FAM117B: variants seen among roughly 807,000 people sequenced by gnomAD.
FAM117B encodes family with sequence similarity 117 member B.
Under a neutral mutation model 52.8 loss-of-function variants are expected in FAM117B, and 22 were observed. That is an observed-to-expected ratio of 0.42 (90% CI 0.30 to 0.59). FAM117B has a LOEUF of 0.59. Among genes scored for constraint, FAM117B ranks in the 20% least tolerant of loss-of-function variants. The pLI is 0.22. For missense variants in FAM117B, 678 were observed against 802.6 expected, an observed-to-expected ratio of 0.84 and a Z score of 1.88; for synonymous variants, 309 against 324.1, an observed-to-expected ratio of 0.95 and a Z score of 0.50.
intron 7 of FAM117B, among the ~76,000 whole-genome samples, chr2:202,761,740 T>G (rs1365342362): frequency 6.6e-6 from 1 of 152,146 alleles, no homozygotes; most frequent in Admixed American, 6.5e-5. Flanking sequence ...TTGGCCAGGC[T>G]AGTCTCGAAC....
At chr2:202,706,203 T>C (rs1039924682) in intron 2 of FAM117B, among the ~76,000 whole-genome samples, 1 of 152,198 alleles carries the variant, frequency 6.6e-6, no homozygotes, top group African/African-American at 2.4e-5. Context: ...TTCCTGTTTC[T>C]TTGGTTTGGT....
At chr2:202,678,115 A>G (rs1385588037) in intron 1 of FAM117B, among the ~76,000 whole-genome samples, 1 of 152,224 alleles carries the variant, frequency 6.6e-6, no homozygotes, top group Non-Finnish European at 1.5e-5. Flanking sequence ...ATATTGATAC[A>G]GCTCTGATGA....
intron 1 of FAM117B, among the ~76,000 whole-genome samples, chr2:202,644,263 T>C (rs893580124): frequency 2.0e-5 from 3 of 152,136 alleles, no homozygotes; most frequent in African/African-American, 4.8e-5. Context: ...ACTACAGTTA[T>C]ATTTTCTTTT....
chr2:202,742,261 A>G (rs1259689985), intron 4 of FAM117B, among the ~76,000 whole-genome samples: 1 of 152,208 alleles, frequency 6.6e-6, no homozygotes, highest in African/African-American at 2.4e-5. Context: ...AAAAGGAAAA[A>G]CTATGAGGGC....
intron 7 of FAM117B, 148 bp downstream of exon 7, chr2:202,759,501 C>A: frequency 1.0e-6 from 1 of 999,506 alleles, no homozygotes; most frequent in Non-Finnish European, 1.4e-6. Context: ...AAGTTATCTT[C>A]CCACCTCAAC....
At chr2:202,650,555 G>A (rs1200506146) in intron 1 of FAM117B, among the ~76,000 whole-genome samples, 2 of 152,138 alleles carry the variant, frequency 1.3e-5, no homozygotes, top group African/African-American at 4.8e-5. Flanking sequence ...ATTGACTCAC[G>A]TGATCACAAG....
In FAM117B at chr2:202,727,357, A is replaced by G. The variant is rs1348803018; in HGVS notation, c.960+994A>G. 2.0e-5 allele frequency among the ~76,000 whole-genome samples: 3 copies of G among 152,210 alleles called. No individual in the cohort carries two copies. In the East Asian group the frequency reaches 5.8e-4, roughly 29 times the overall value. On this transcript the variant is annotated intron_variant, in intron 4 of 7. Coordinates refer to ENST00000392238, the MANE Select transcript of FAM117B (RefSeq NM_173511.4). ...TGTAAATAAGGTTTTATTAGAAAAC[A>G]GTCACTCTCATTTTTTATGTATTGT...
At chr2:202,655,708 G>GAGAGAC (rs1491156944) in intron 1 of FAM117B, among the ~76,000 whole-genome samples, 3,635 of 13,860 alleles carry the variant, frequency 0.26, 180 homozygotes, top group East Asian at 0.4. Context: ...GGAAGAGAGT[G>GAGAGAC]AGAGAGAGAG....
intron 1 of FAM117B, among the ~76,000 whole-genome samples, chr2:202,689,631 C>T (rs1334406758): frequency 6.6e-6 from 1 of 151,570 alleles, no homozygotes; most frequent in East Asian, 2.0e-4. Flanking sequence ...TAAGACAATA[C>T]CTGAGGCCAG....
Position 202,767,427 on chromosome 2 carries a change from T to TGGGATTACAGGTGTGAGCCACCA in FAM117B, c.*1664_*1686dup, listed in dbSNP as rs1691999482. The TGGGATTACAGGTGTGAGCCACCA allele has an allele frequency of 6.6e-6, 1 of 152,256 alleles. No individual in the cohort carries two copies. The highest frequency in any genetic ancestry group is 6.5e-5 in the Admixed American group (1 of 15,282). The allele number at this position is 152,256 out of a possible 1,614,324, so 9.4% of individuals were successfully genotyped here. A position where few individuals can be genotyped will look rare whatever the true frequency, so the allele number is the denominator to read the frequency against. On this transcript the variant is annotated 3_prime_UTR_variant, in exon 8 of 8. Coordinates refer to ENST00000392238, the MANE Select transcript of FAM117B (RefSeq NM_173511.4). ...TGCTCGTCTTGGCCTCCCAAAGTGCTGGGATTACAGGTGTGAGCCACCACG... is the reference window on the plus strand; with the variant it reads ...TGCTCGTCTTGGCCTCCCAAAGTGCTGGGATTACAGGTGTGAGCCACCAGGGATTACAGGTGTGAGCCACCACG...
intron 1 of FAM117B, among the ~76,000 whole-genome samples, chr2:202,637,241 G>A (rs1689701835): frequency 6.6e-6 from 1 of 151,154 alleles, no homozygotes; most frequent in East Asian, 2.0e-4. Context: ...TTTTATTTAT[G>A]TATTTATTTT....
rs1265221165 is a variant in FAM117B at position 202,635,621 on chromosome 2, C to T, written c.434C>T (p.Pro145Leu). Residue 145 changes from proline to leucine, a missense_variant, in exon 1 of 8, where the codon CCG (proline) becomes CTG (leucine). Physicochemically the swap from Pro to Leu is moderately conservative, Grantham distance 98. Transcript: ENST00000392238. Reference sequence around the variant, plus strand: ...CCCCCACGGCCGCCGCCGCCGCCGCCGCTGCTGGGCACCGTGTCGTCGCCC... The same window carrying T: ...CCCCCACGGCCGCCGCCGCCGCCGCTGCTGCTGGGCACCGTGTCGTCGCCC... ...GSPPRPPPPP[P>L]LLGTVSSPSS... The T allele has an allele frequency of 1.2e-5, 15 of 1,292,924 alleles. No homozygotes were observed. Among genetic ancestry groups the T allele is most frequent in the Admixed American group, 8.1e-5 (2 of 24,560 alleles). 80.1% of individuals were successfully genotyped at this position (1,292,924 alleles called of 1,614,324 possible).
At chr2:202,741,980 A>G (rs1691549239) in intron 4 of FAM117B, among the ~76,000 whole-genome samples, 1 of 152,260 alleles carries the variant, frequency 6.6e-6, no homozygotes, top group Non-Finnish European at 1.5e-5. Context: ...ATACTTAAGA[A>G]TGAAATTAAT....
chr2:202,734,868 C>T (rs1170395780), intron 4 of FAM117B, among the ~76,000 whole-genome samples: 4 of 152,068 alleles, frequency 2.6e-5, no homozygotes, highest in Non-Finnish European at 5.9e-5. Context: ...TACTCACAAG[C>T]TCATTATAGA....
intron 1 of FAM117B, among the ~76,000 whole-genome samples, chr2:202,693,092 C>T (rs1690660170): frequency 6.6e-6 from 1 of 152,074 alleles, no homozygotes; most frequent in Admixed American, 6.6e-5. Context: ...CATAAAAATT[C>T]CCAAAATCTA....
chr2:202,713,174 G>A (rs1032135710), intron 2 of FAM117B, among the ~76,000 whole-genome samples: 1 of 152,198 alleles, frequency 6.6e-6, no homozygotes, highest in Admixed American at 6.5e-5. Context: ...TTTCTTTGCC[G>A]GGGTGCTTTT....
rs1559117165 is a variant in FAM117B at position 202,757,457 on chromosome 2, G to A, written c.1330+19G>A. On this transcript the variant is annotated intron_variant, in intron 6 of 7. Transcript: ENST00000392238. ...GATAAAGGTACAGTGCTGGAGGAAT[G>A]TGCTACTAGATGATAATGGAATACC... is the stretch of plus-strand genomic sequence containing the variant. The A allele has an allele frequency of 2.5e-6, 4 of 1,607,184 alleles. No homozygotes were observed. Among genetic ancestry groups the A allele is most frequent in the Non-Finnish European group, 2.6e-6 (3 of 1,173,918 alleles).
chr2:202,761,409 T>G (rs1395450533), intron 7 of FAM117B, among the ~76,000 whole-genome samples: 4 of 152,234 alleles, frequency 2.6e-5, no homozygotes, highest in Admixed American at 2.0e-4. Context: ...ACTACATTAT[T>G]TATCTTTAAA....
intron 4 of FAM117B, among the ~76,000 whole-genome samples, chr2:202,754,813 A>G (rs183062838): frequency 9.2e-4 from 125 of 135,824 alleles, no homozygotes; most frequent in Non-Finnish European, 1.6e-3. Flanking sequence ...TCGCTTGAAC[A>G]TGGGAGGTAG....
Sources: gnomAD v4.1 joint callset for allele counts (sites outside exome capture counted in the v4.1 genomes callset) on GRCh38, gnomAD v4.1.1 for gene constraint, MANE v1.5 for transcripts, NCBI Gene and HGNC (gene_info 2026-07-23, HGNC 2026-07-21) for gene names.